PHLDB2: variants seen among roughly 807,000 people sequenced by gnomAD.
PHLDB2 encodes pleckstrin homology-like domain family B member 2.
In PHLDB2, 71 loss-of-function variants were observed where a neutral mutation model predicts 123.6. The observed-to-expected ratio is 0.57, with a 90% confidence interval of 0.47 to 0.70. The LOEUF is 0.70. Among genes scored for constraint, PHLDB2 ranks in the 30% least tolerant of loss-of-function variants. The pLI is 0.00. For synonymous variants in PHLDB2, 547 were observed against 541.6 expected (o/e 1.01, Z -0.14); for missense variants, 1,446 against 1,519.5 (o/e 0.95, Z 0.80).
intron 1 of PHLDB2, among the ~76,000 whole-genome samples, chr3:111,753,100 A>G (rs1437563020): frequency 6.6e-6 from 1 of 152,074 alleles, no homozygotes; most frequent in Non-Finnish European, 1.5e-5. Context: ...ATAGTGCCGC[A>G]ATAAACGTAT....
intron 8 of PHLDB2, among the ~76,000 whole-genome samples, chr3:111,942,940 G>T (rs1207521111): frequency 6.6e-6 from 1 of 151,990 alleles, no homozygotes; most frequent in Non-Finnish European, 1.5e-5. Context: ...AAAATATTGT[G>T]ACTAGAGGCT....
intron 11 of PHLDB2, 80 bp downstream of exon 11, chr3:111,952,792 A>G: frequency 1.4e-6 from 2 of 1,477,038 alleles, no homozygotes; most frequent in Non-Finnish European, 1.8e-6. Context: ...AAAGGCCTTT[A>G]AAGAAAAGTG....
rs2066073181 is a variant in PHLDB2, at chr3:111,884,364, A to G, written c.287A>G (p.Tyr96Cys). ...AKIQGSKQFS[Y>C]DGTDKNIPMK... The stretch of plus-strand genomic sequence containing the variant: ...ATCCAGGGAAGCAAGCAGTTCTCTT[A>G]TGATGGAACTGACAAAAATATTCCT... Residue 96 changes from tyrosine (Y) to cysteine (C), a missense_variant, in exon 2 of 18, where the codon TAT (tyrosine) becomes TGT (cysteine). Transcript: ENST00000431670. 1 of 1,614,176 alleles carries G rather than the reference A, an allele frequency of 6.2e-7. No individual in the cohort carries two copies. The highest frequency in any genetic ancestry group is 1.3e-5 in the African/African-American group (1 of 75,044).
chr3:111,842,131 A>G (rs1370516606), intron 1 of PHLDB2, among the ~76,000 whole-genome samples: 1 of 152,252 alleles, frequency 6.6e-6, no homozygotes, highest in Non-Finnish European at 1.5e-5. Context: ...TAATGTAGGT[A>G]AAACACTTAG....
At chr3:111,750,893 C>T (rs892558391) in intron 1 of PHLDB2, among the ~76,000 whole-genome samples, 15 of 150,500 alleles carry the variant, frequency 1.0e-4, no homozygotes, top group African/African-American at 3.7e-4. Flanking sequence ...TTGCAGTGAG[C>T]CAATATCGCA....
chr3:111,903,372 C>A (rs569332437), intron 2 of PHLDB2, among the ~76,000 whole-genome samples: 1 of 152,024 alleles, frequency 6.6e-6, no homozygotes, highest in Non-Finnish European at 1.5e-5. Flanking sequence ...CGTGGGAGGA[C>A]CAAATGACAA....
intron 1 of PHLDB2, among the ~76,000 whole-genome samples, chr3:111,786,201 C>T (rs1412446228): frequency 6.6e-6 from 1 of 152,118 alleles, no homozygotes; most frequent in Non-Finnish European, 1.5e-5. Context: ...TAGATTACTT[C>T]TAATACCTAA....
chr3:111,815,864 G>A (rs1355442692), intron 1 of PHLDB2, among the ~76,000 whole-genome samples: 4 of 152,200 alleles, frequency 2.6e-5, no homozygotes, highest in African/African-American at 9.6e-5. Context: ...GCTTCCTGGA[G>A]GCCTAGGAGG....
At chr3:111,895,579 G>T (rs1182184849) in intron 2 of PHLDB2, among the ~76,000 whole-genome samples, 1 of 152,162 alleles carries the variant, frequency 6.6e-6, no homozygotes, top group East Asian at 1.9e-4. Context: ...CAGGCGTGTT[G>T]GCTCACGCCT....
chr3:111,865,787 A>T (rs1262019213), intron 1 of PHLDB2, among the ~76,000 whole-genome samples: 1 of 151,914 alleles, frequency 6.6e-6, no homozygotes, highest in Non-Finnish European at 1.5e-5. Context: ...AAAAAAAAGC[A>T]TTGATTAAAA....
At chr3:111,857,171 G>A (rs1355177684), upstream of PHLDB2, among the ~76,000 whole-genome samples, 1 of 152,090 alleles carries the variant, frequency 6.6e-6, no homozygotes, top group Non-Finnish European at 1.5e-5. Context: ...GAAGTAGGAG[G>A]CTGGGCACAG....
At chr3:111,792,116 C>T (rs2060952453) in intron 1 of PHLDB2, among the ~76,000 whole-genome samples, 1 of 152,094 alleles carries the variant, frequency 6.6e-6, no homozygotes, top group South Asian at 2.1e-4. Flanking sequence ...TATACTTTTA[C>T]ATGTTTTCAT....
chr3:111,787,253 C>A (rs922643407), intron 1 of PHLDB2, among the ~76,000 whole-genome samples: 2 of 152,156 alleles, frequency 1.3e-5, no homozygotes, highest in African/African-American at 4.8e-5. Context: ...CATGCTTTTG[C>A]GTTACTGAAG....
At chr3:111,772,672 G>T (rs955260049) in intron 1 of PHLDB2, among the ~76,000 whole-genome samples, 17 of 152,166 alleles carry the variant, frequency 1.1e-4, no homozygotes, top group African/African-American at 1.9e-4. Context: ...CATTTTTCTT[G>T]GTTCAAATTC....
intron 1 of PHLDB2, among the ~76,000 whole-genome samples, chr3:111,758,398 C>A (rs1305441749): frequency 6.6e-6 from 1 of 152,216 alleles, no homozygotes; most frequent in Non-Finnish European, 1.5e-5. Context: ...GGGCATAGGA[C>A]CCTCCGAGCC....
chr3:111,748,272 A>G (rs1434607287), intron 1 of PHLDB2, among the ~76,000 whole-genome samples: 1 of 152,108 alleles, frequency 6.6e-6, no homozygotes, highest in African/African-American at 2.4e-5. Flanking sequence ...AGAGGCACCA[A>G]CCTTAATCTC....
intron 11 of PHLDB2, among the ~76,000 whole-genome samples, chr3:111,953,555 T>C (rs1221353708): frequency 1.1e-4 from 17 of 152,304 alleles, no homozygotes; most frequent in South Asian, 6.2e-4. Context: ...GGTGCATTTG[T>C]AACAAGAGTA....
intron 1 of PHLDB2, among the ~76,000 whole-genome samples, chr3:111,759,970 CAG>C (rs1022415953): frequency 6.6e-6 from 1 of 152,220 alleles, no homozygotes; most frequent in African/African-American, 2.4e-5. Context: ...ATCTGTCAAA[CAG>C]AGAAAGCCAT....
intron 1 of PHLDB2, among the ~76,000 whole-genome samples, chr3:111,811,666 G>A (rs945467229): frequency 2.0e-5 from 3 of 151,562 alleles, no homozygotes; most frequent in Non-Finnish European, 2.9e-5. Flanking sequence ...ACACACACAC[G>A]AAAAAATGAA....
Sources: gnomAD v4.1 joint callset for allele counts (sites outside exome capture counted in the v4.1 genomes callset) on GRCh38, gnomAD v4.1.1 for gene constraint, MANE v1.5 for transcripts, NCBI Gene and HGNC (gene_info 2026-07-23, HGNC 2026-07-21) for gene names.